SDK1: variants seen among roughly 807,000 people sequenced by gnomAD.
SDK1 encodes the protein protein sidekick-1.
In SDK1, 157 loss-of-function variants were observed where a neutral mutation model predicts 245.5. That is an observed-to-expected ratio of 0.64 (90% CI 0.56 to 0.73). The LOEUF (loss-of-function observed/expected upper bound fraction) is 0.73. SDK1 is among the 30% of genes least tolerant of loss of function. The pLI, the probability that SDK1 is intolerant of heterozygous loss-of-function variation, is 0.00. For synonymous variants in SDK1, 1,647 were observed against 1,278.5 expected (o/e 1.29, Z -6.15); for missense variants, 3,583 against 3,002.3 (o/e 1.19, Z -4.52).
chr7:4,074,918 T>TA (rs1562770987), intron 20 of SDK1, among the ~76,000 whole-genome samples: 996 of 60,456 alleles, frequency 0.016, 4 homozygotes, highest in Middle Eastern at 0.031. Context: ...ATATATATAT[T>TA]TTTTTTTTTT....
intron 22 of SDK1, among the ~76,000 whole-genome samples, chr7:4,090,832 G>T (rs1277026393): frequency 1.3e-5 from 2 of 152,156 alleles, no homozygotes; most frequent in Non-Finnish European, 1.5e-5. Context: ...CACACATACT[G>T]AAAAGCATTA....
intron 4 of SDK1, among the ~76,000 whole-genome samples, chr7:3,695,067 G>T (rs1173833907): frequency 6.6e-6 from 1 of 152,120 alleles, no homozygotes; most frequent in East Asian, 1.9e-4. Flanking sequence ...ACATATTAGA[G>T]ACTAACAGTT....
intron 1 of SDK1, among the ~76,000 whole-genome samples, chr7:3,350,329 T>G (rs1359593112): frequency 6.6e-6 from 1 of 152,212 alleles, no homozygotes; most frequent in Non-Finnish European, 1.5e-5. Flanking sequence ...GGCAGGCATA[T>G]TCCCACAGTG....
chr7:3,314,338 T>C (rs1779614826), intron 1 of SDK1, among the ~76,000 whole-genome samples: 1 of 152,222 alleles, frequency 6.6e-6, no homozygotes, highest in East Asian at 1.9e-4. Flanking sequence ...ATTTAGCCAG[T>C]ACATTCCAAG....
Position 3,322,810 on chromosome 7 carries a change from C to A in SDK1, c.298+20926C>A, listed in dbSNP as rs141491085. On this transcript the variant is annotated intron_variant, in intron 1 of 44. Transcript: ENST00000404826. Reference sequence around the variant, plus strand: ...ACCTAATGTGTTGTCCCCACCTGCCCTTTTCCCCCACCCATAAGACCTTGT... The same window carrying A: ...ACCTAATGTGTTGTCCCCACCTGCCATTTTCCCCCACCCATAAGACCTTGT... 4.2e-3 allele frequency among the ~76,000 whole-genome samples: 643 copies of A among 152,166 alleles called. 8 individuals are homozygous for A. The highest frequency in any genetic ancestry group is 0.015 in the African/African-American group (609 of 41,512).
chr7:3,873,508 G>A (rs764236231), intron 5 of SDK1, among the ~76,000 whole-genome samples: 1 of 151,964 alleles, frequency 6.6e-6, no homozygotes, highest in Non-Finnish European at 1.5e-5. Flanking sequence ...GAAAATCCTA[G>A]CCCATTATTT....
rs117683070 is a variant in SDK1 at position 3,454,451 on chromosome 7, C to T, written c.298+152567C>T. On this transcript the variant is annotated intron_variant, in intron 1 of 44. Coordinates refer to ENST00000404826, the MANE Select transcript of SDK1 (RefSeq NM_152744.4). ...TGTGTACATTTAAGTCTATGCAATTCTGTTACAGGTGTGGGTTTGTGTTTC... is the reference window on the plus strand; with the variant it reads ...TGTGTACATTTAAGTCTATGCAATTTTGTTACAGGTGTGGGTTTGTGTTTC... 1.7e-4 allele frequency among the ~76,000 whole-genome samples: 24 copies of T among 141,480 alleles called. No homozygotes were observed. In the East Asian group the frequency reaches 4.9e-3, roughly 29 times the overall value. The allele number at this position is 141,480 out of a possible 152,430, so 92.8% of individuals were successfully genotyped here. A position where few individuals can be genotyped will look rare whatever the true frequency, so the allele number is the denominator to read the frequency against.
intron 1 of SDK1, among the ~76,000 whole-genome samples, chr7:3,412,317 T>A (rs1779232893): frequency 6.6e-6 from 1 of 152,156 alleles, no homozygotes; most frequent in Non-Finnish European, 1.5e-5. Context: ...CTATTTCTCT[T>A]CCCTCTTTTA....
rs575087814 is a variant in SDK1 at position 4,166,112 on chromosome 7, C to G, written c.4800+4256C>G. On this transcript the variant is annotated intron_variant, in intron 32 of 44. Coordinates refer to ENST00000404826, the MANE Select transcript of SDK1 (RefSeq NM_152744.4). Reference sequence around the variant, plus strand: ...TGTAAGTGGGTTTTGAGACTGTTTTCTAGCAAAGAAAAAAATCCCAAGCAA... The same window carrying G: ...TGTAAGTGGGTTTTGAGACTGTTTTGTAGCAAAGAAAAAAATCCCAAGCAA... Among the ~76,000 whole-genome samples, 3 of 152,312 alleles carry G rather than the reference C, an allele frequency of 2.0e-5. No individual in the cohort carries two copies. In the East Asian group the frequency reaches 5.8e-4, roughly 29 times the overall value.
chr7:4,107,421 C>T (rs955011913), intron 22 of SDK1, among the ~76,000 whole-genome samples: 11 of 152,046 alleles, frequency 7.2e-5, no homozygotes, highest in African/African-American at 2.4e-4. Context: ...AGTGCTTATA[C>T]GTGATTGATA....
chr7:3,628,644 C>G (rs146877989), intron 2 of SDK1, among the ~76,000 whole-genome samples: 1 of 152,208 alleles, frequency 6.6e-6, no homozygotes, highest in Non-Finnish European at 1.5e-5. Flanking sequence ...AATTCTATGG[C>G]TGAGTCCTGT....
intron 30 of SDK1, among the ~76,000 whole-genome samples, chr7:4,150,870 C>T (rs1279227772): frequency 6.6e-6 from 1 of 152,220 alleles, no homozygotes; most frequent in Admixed American, 6.5e-5. Flanking sequence ...GAAGCACTTG[C>T]CCAGGGAGGG....
intron 1 of SDK1, among the ~76,000 whole-genome samples, chr7:3,350,996 T>A (rs190932106): frequency 6.6e-6 from 1 of 152,214 alleles, no homozygotes; most frequent in African/African-American, 2.4e-5. Flanking sequence ...ATCAATAATA[T>A]CTGATACTAC....
rs372133323 is a variant in SDK1, at chr7:4,171,251, C to T, written c.4801-2971C>T. Among the ~76,000 whole-genome samples, 40 of 152,292 alleles carry T rather than the reference C, an allele frequency of 2.6e-4. 1 individual carries two copies. The East Asian group carries it at 5.6e-3, about 21-fold the overall frequency. ...TGCCGCCGCCTCGGGTACACCGCACCCTGGAGAGACCCTCATCTGTGCTGG... is the reference window on the plus strand; with the variant it reads ...TGCCGCCGCCTCGGGTACACCGCACTCTGGAGAGACCCTCATCTGTGCTGG... On this transcript the variant is annotated intron_variant, in intron 32 of 44. Transcript: ENST00000404826.
intron 4 of SDK1, among the ~76,000 whole-genome samples, chr7:3,755,622 C>T (rs958766679): frequency 2.0e-5 from 3 of 152,106 alleles, no homozygotes; most frequent in Non-Finnish European, 4.4e-5. Flanking sequence ...AAATACAGAA[C>T]GTCATCTCAA....
chr7:4,161,527 G>A (rs1256975677), intron 31 of SDK1, among the ~76,000 whole-genome samples: 8 of 152,260 alleles, frequency 5.3e-5, no homozygotes, highest in Middle Eastern at 3.4e-3. Context: ...GGTGGCTCTC[G>A]GAATGTCCAC....
rs117067771 is a variant in SDK1, at chr7:3,379,189, G to A, written c.298+77305G>A. ...TCTGTTCCACAACTCTTTATTGTGC[G>A]GGGCAATGTGCTGGGCATTAGAAAA... On this transcript the variant is annotated intron_variant, in intron 1 of 44. Transcript: ENST00000404826. Among the ~76,000 whole-genome samples the A allele has an allele frequency of 3.7e-4, 57 of 152,226 alleles. No homozygotes were observed. The East Asian group carries it at 0.01, about 27-fold the overall frequency.
chr7:4,232,293 G>C (rs1358703967), intron 40 of SDK1, among the ~76,000 whole-genome samples: 1 of 151,178 alleles, frequency 6.6e-6, no homozygotes, highest in Non-Finnish European at 1.5e-5. Flanking sequence ...GCTTTGCAAA[G>C]AGGCTGTCTA....
chr7:3,598,126 C>CT (rs1249337502), intron 1 of SDK1, among the ~76,000 whole-genome samples: 1 of 152,180 alleles, frequency 6.6e-6, no homozygotes, highest in Admixed American at 6.5e-5. Context: ...AATTTAGCCA[C>CT]TTATAGTTTC....
Sources: gnomAD v4.1 joint callset for allele counts (sites outside exome capture counted in the v4.1 genomes callset) on GRCh38, gnomAD v4.1.1 for gene constraint, MANE v1.5 for transcripts, NCBI Gene and HGNC (gene_info 2026-07-23, HGNC 2026-07-21) for gene names.